The following IGF1R variants were observed in gnomAD, a reference collection of about 807,000 sequenced individuals.
IGF1R encodes insulin-like growth factor 1 receptor.
Under a neutral mutation model 144.6 loss-of-function variants are expected in IGF1R, and 44 were observed. The ratio of observed to expected loss-of-function variants is 0.30; its 90% CI spans 0.24 to 0.39. IGF1R has a LOEUF of 0.39. Ranked by LOEUF, IGF1R falls within the 10% of genes least tolerant of loss-of-function variation. The probability of loss-of-function intolerance (pLI) is 1.00; values close to 1 mark genes in which losing one functional copy is unlikely to be tolerated. For missense variants in IGF1R, 1,355 were observed against 1,833.7 expected (o/e 0.74, Z 4.77); for synonymous variants, 795 against 722.8 (o/e 1.10, Z -1.60).
intron 2 of IGF1R, among the ~76,000 whole-genome samples, chr15:98,830,603 ATC>A (rs1321877354): frequency 9.7e-5 from 13 of 133,722 alleles, no homozygotes; most frequent in African/African-American, 4.3e-4. Flanking sequence ...TCTGATCATC[ATC>A]TTTTTTTTTT....
chr15:98,921,370 C>CT (rs147483302), intron 10 of IGF1R, among the ~76,000 whole-genome samples: 19 of 152,296 alleles, frequency 1.2e-4, no homozygotes, highest in African/African-American at 4.6e-4. Context: ...TGAGAATGTC[C>CT]TTTTTGTGAT....
Position 98,962,743 on chromosome 15 carries a change from G to A in IGF1R, c.*5301G>A, listed in dbSNP as rs1012077209. 4.3e-6 allele frequency: 1 copy of A among 233,474 alleles called. No individual in the cohort carries two copies. Among genetic ancestry groups the A allele is most frequent in the African/African-American group, 2.2e-5 (1 of 45,360 alleles). The allele number at this position is 233,474 out of a possible 1,614,324, so 14.5% of individuals were successfully genotyped here. ...CAAGGTTTTGAACTTGATTGTTCTT[G>A]AAGCTATCAGACCACATCGAGGCTC... On this transcript the variant is annotated 3_prime_UTR_variant, in exon 21 of 21. Coordinates refer to ENST00000650285, the MANE Select transcript of IGF1R (RefSeq NM_000875.5).
At chr15:98,708,931 C>T (rs1322443008) in intron 2 of IGF1R, among the ~76,000 whole-genome samples, 1 of 152,192 alleles carries the variant, frequency 6.6e-6, no homozygotes, top group Non-Finnish European at 1.5e-5. Context: ...CTGCAATATG[C>T]TTATTTTCCC....
chr15:98,855,525 T>G (rs2011761563), intron 2 of IGF1R, among the ~76,000 whole-genome samples: 1 of 152,222 alleles, frequency 6.6e-6, no homozygotes, highest in Non-Finnish European at 1.5e-5. Flanking sequence ...GTAGAATCAC[T>G]AGGGACTTGA....
chr15:98,879,416 CCTCTGCCAGGCAT>C (rs879928157), intron 2 of IGF1R, among the ~76,000 whole-genome samples: 20 of 152,106 alleles, frequency 1.3e-4, no homozygotes, highest in Non-Finnish European at 2.4e-4. Flanking sequence ...GCATCCAGTT[CCTCTGCCAGGCAT>C]TTCTGTAAAG....
chr15:98,943,188 C>T (rs1002344876), intron 19 of IGF1R, 136 bp downstream of exon 19: 6 of 977,010 alleles, frequency 6.1e-6, no homozygotes, highest in Non-Finnish European at 9.7e-6. Flanking sequence ...GTGTGAGCCA[C>T]ACTTCTTCAT....
intron 1 of IGF1R, among the ~76,000 whole-genome samples, chr15:98,657,862 C>T (rs921972318): frequency 1.3e-5 from 2 of 152,200 alleles, no homozygotes; most frequent in African/African-American, 4.8e-5. Flanking sequence ...TGTTGCCTTT[C>T]GATCTCACTG....
At chr15:98,873,021 G>A (rs1031564608) in intron 2 of IGF1R, among the ~76,000 whole-genome samples, 5 of 152,100 alleles carry the variant, frequency 3.3e-5, no homozygotes, top group Admixed American at 6.5e-5. Context: ...GTGTACAGAG[G>A]AATGCTACCT....
chr15:98,843,317 T>C (rs1227360666), intron 2 of IGF1R, among the ~76,000 whole-genome samples: 1 of 152,192 alleles, frequency 6.6e-6, no homozygotes, highest in South Asian at 2.1e-4. Context: ...ACCTGCATAA[T>C]AGACGCAGAA....
At position 98,922,482 on chromosome 15, in the gene IGF1R, G is replaced by C. The variant is rs565477935; in HGVS notation, c.2485+51G>C. On this transcript the variant is annotated intron_variant, in intron 11 of 20. Coordinates refer to ENST00000650285, the MANE Select transcript of IGF1R (RefSeq NM_000875.5). ...TTGCCACCTTCCTCACAACCTAGTG[G>C]AGAAGATGTGTTTTATGGACACAGG... 8.8e-6 allele frequency: 14 copies of C among 1,590,464 alleles called. No individual in the cohort carries two copies. In the African/African-American group the frequency reaches 1.7e-4, roughly 20 times the overall value.
At chr15:98,904,918 T>C (rs1055294478) in intron 5 of IGF1R, among the ~76,000 whole-genome samples, 1 of 152,226 alleles carries the variant, frequency 6.6e-6, no homozygotes, top group Non-Finnish European at 1.5e-5. Context: ...CCTGCACTTT[T>C]GTGGGGTGAT....
intron 2 of IGF1R, among the ~76,000 whole-genome samples, chr15:98,765,305 C>T (rs2055407847): frequency 7.6e-6 from 1 of 130,906 alleles, no homozygotes; most frequent in South Asian, 2.5e-4. Flanking sequence ...ATCATGCCAA[C>T]ACCTTTTTTT....
intron 2 of IGF1R, among the ~76,000 whole-genome samples, chr15:98,860,291 C>G (rs2012077277): frequency 6.6e-6 from 1 of 152,252 alleles, no homozygotes. Flanking sequence ...GTACAACAAT[C>G]CAAACCCTTG....
chr15:98,736,020 A>G (rs1249144632), intron 2 of IGF1R, among the ~76,000 whole-genome samples: 1 of 152,248 alleles, frequency 6.6e-6, no homozygotes, highest in Non-Finnish European at 1.5e-5. Flanking sequence ...CCTGTACAGT[A>G]CTGCCCTGAG....
At chr15:98,943,142 T>G in intron 19 of IGF1R, 90 bp downstream of exon 19, 1 of 1,464,444 alleles carries the variant, frequency 6.8e-7, no homozygotes, top group Non-Finnish European at 9.5e-7. Flanking sequence ...TCTTTCTCTG[T>G]TCATTGTTAC....
intron 2 of IGF1R, among the ~76,000 whole-genome samples, chr15:98,746,043 A>G (rs141354846): frequency 3.3e-5 from 5 of 152,348 alleles, no homozygotes; most frequent in Non-Finnish European, 7.3e-5. Flanking sequence ...TGCTGCTGAG[A>G]GAAACCACAA....
chr15:98,932,411 A>T (rs932476927), intron 15 of IGF1R, among the ~76,000 whole-genome samples: 1 of 152,208 alleles, frequency 6.6e-6, no homozygotes, highest in African/African-American at 2.4e-5. Flanking sequence ...CCTACAGGAA[A>T]GTGCTGATAA....
At chr15:98,821,415 C>G (rs753953092) in intron 2 of IGF1R, among the ~76,000 whole-genome samples, 1 of 151,972 alleles carries the variant, frequency 6.6e-6, no homozygotes. Context: ...GTAAGTAGAC[C>G]GTGAATTTAG....
chr15:98,778,682 G>A (rs2055780481), intron 2 of IGF1R, among the ~76,000 whole-genome samples: 1 of 152,230 alleles, frequency 6.6e-6, no homozygotes, highest in Non-Finnish European at 1.5e-5. Context: ...AAGTAAGGCT[G>A]CTCCTTGACT....
Sources: gnomAD v4.1 joint callset for allele counts (sites outside exome capture counted in the v4.1 genomes callset) on GRCh38, gnomAD v4.1.1 for gene constraint, MANE v1.5 for transcripts, NCBI Gene and HGNC (gene_info 2026-07-23, HGNC 2026-07-21) for gene names.